SLC1A1: variants seen among roughly 807,000 people sequenced by gnomAD.
SLC1A1 encodes the protein solute carrier family 1 member 1, also known as excitatory amino acid transporter 3.
Under a neutral mutation model 53.3 loss-of-function variants are expected in SLC1A1, and 43 were observed. The ratio of observed to expected loss-of-function variants is 0.81; its 90% confidence interval spans 0.63 to 1.04. SLC1A1 has a LOEUF of 1.04. SLC1A1 is among the 50% of genes least tolerant of loss of function. SLC1A1 has a pLI of 0.00. For synonymous variants in SLC1A1, 307 were observed against 243.2 expected (o/e 1.26, Z -2.44); for missense variants, 748 against 664.9 (o/e 1.12, Z -1.37).
At chr9:4,497,717 C>T (rs1412213827) in intron 1 of SLC1A1, among the ~76,000 whole-genome samples, 1 of 152,152 alleles carries the variant, frequency 6.6e-6, no homozygotes, top group African/African-American at 2.4e-5. Flanking sequence ...AACTAGATTA[C>T]AGACCCCTTG....
chr9:4,496,092 G>A (rs1368367070), intron 1 of SLC1A1, among the ~76,000 whole-genome samples: 3 of 152,122 alleles, frequency 2.0e-5, no homozygotes, highest in African/African-American at 7.2e-5. Flanking sequence ...ACCTATCCTG[G>A]GAGAAAAGGG....
At chr9:4,521,393 G>A (rs560886185) in intron 1 of SLC1A1, among the ~76,000 whole-genome samples, 14 of 152,276 alleles carry the variant, frequency 9.2e-5, no homozygotes, top group African/African-American at 3.4e-4. Context: ...GGGTTTTACT[G>A]TTGAGGCCCT....
intron 1 of SLC1A1, among the ~76,000 whole-genome samples, chr9:4,503,060 T>A (rs1340903543): frequency 6.6e-6 from 1 of 151,858 alleles, no homozygotes; most frequent in African/African-American, 2.4e-5. Flanking sequence ...ACCACTTTTA[T>A]GTTGTAGACT....
chr9:4,556,508 AG>A lies in SLC1A1; in HGVS notation c.233-4936del, dbSNP rs1818403009. Reference sequence around the variant, plus strand: ...AGTTCTGATAGTGAACTGTAAAGAGAGGGGGTCCTTCAGACCTCGCCAGCCA... The same window carrying A: ...AGTTCTGATAGTGAACTGTAAAGAGAGGGGTCCTTCAGACCTCGCCAGCCA... On this transcript the variant is annotated intron_variant, in intron 2 of 11. Coordinates refer to ENST00000262352, the MANE Select transcript of SLC1A1 (RefSeq NM_004170.6). This position sits in a 1 kb window ranked among gnomAD's most constrained non-coding sequence, Gnocchi z 4.1. Among the ~76,000 whole-genome samples the A allele has an allele frequency of 6.6e-6, 1 of 152,202 alleles. No homozygotes were observed. Among genetic ancestry groups the A allele is most frequent in the Non-Finnish European group, 1.5e-5 (1 of 68,032 alleles).
intron 2 of SLC1A1, among the ~76,000 whole-genome samples, chr9:4,544,923 G>C (rs549382782): frequency 5.9e-5 from 9 of 152,166 alleles, no homozygotes; most frequent in Non-Finnish European, 1.2e-4. Flanking sequence ...AAGGCTGGGC[G>C]AAGCAGGAAG....
chr9:4,541,408 G>C (rs985452767), intron 1 of SLC1A1, among the ~76,000 whole-genome samples: 3 of 152,118 alleles, frequency 2.0e-5, no homozygotes, highest in Admixed American at 1.3e-4. Flanking sequence ...TAGTTCGTTT[G>C]TTTTCTTTTC....
At chr9:4,525,778 G>C (rs1027042433) in intron 1 of SLC1A1, among the ~76,000 whole-genome samples, 7 of 152,034 alleles carry the variant, frequency 4.6e-5, no homozygotes, top group Admixed American at 4.6e-4. Flanking sequence ...AGAAAAATCA[G>C]TCAATGCATC....
intron 1 of SLC1A1, among the ~76,000 whole-genome samples, chr9:4,522,045 T>C (rs113043865): frequency 0.022 from 1,866 of 83,832 alleles, 45 homozygotes; most frequent in African/African-American, 0.072. Flanking sequence ...CCTGCCTCTT[T>C]TTTTTTTTCT....
At chr9:4,516,301 C>T (rs1821159287) in intron 1 of SLC1A1, among the ~76,000 whole-genome samples, 1 of 152,164 alleles carries the variant, frequency 6.6e-6, no homozygotes, top group African/African-American at 2.4e-5. Flanking sequence ...GCAGATTGCA[C>T]TCCAGTGTGG....
chr9:4,559,290 T>G (rs1217371104), intron 2 of SLC1A1, among the ~76,000 whole-genome samples: 1 of 152,186 alleles, frequency 6.6e-6, no homozygotes. Context: ...GCCCATTATA[T>G]GGCAATTGCA....
intron 3 of SLC1A1, among the ~76,000 whole-genome samples, chr9:4,563,680 C>G (rs1240638731): frequency 2.0e-5 from 3 of 152,188 alleles, no homozygotes; most frequent in Non-Finnish European, 4.4e-5. Context: ...CTTGGATACT[C>G]AAGTGACAGG....
intron 2 of SLC1A1, among the ~76,000 whole-genome samples, chr9:4,545,161 T>C (rs1049577355): frequency 6.9e-6 from 1 of 144,550 alleles, no homozygotes; most frequent in African/African-American, 2.6e-5. Flanking sequence ...TCTTTTCTAA[T>C]TACGGGAAAA....
chr9:4,503,614 T>C (rs914490976), intron 1 of SLC1A1, among the ~76,000 whole-genome samples: 1 of 151,808 alleles, frequency 6.6e-6, no homozygotes, highest in Non-Finnish European at 1.5e-5. Flanking sequence ...AGCAAGTCTG[T>C]ATAAAGGTGA....
intron 1 of SLC1A1, among the ~76,000 whole-genome samples, chr9:4,520,101 CACA>C (rs1390481995): frequency 6.6e-6 from 1 of 152,198 alleles, no homozygotes; most frequent in Non-Finnish European, 1.5e-5. Context: ...AATCTGTAAT[CACA>C]ACTTTTCTTT....
At chr9:4,504,813 C>T (rs1305363347) in intron 1 of SLC1A1, among the ~76,000 whole-genome samples, 3 of 151,998 alleles carry the variant, frequency 2.0e-5, no homozygotes, top group African/African-American at 7.3e-5. Context: ...TTTAATATAC[C>T]TTTCACTGTG....
At chr9:4,531,191 G>C (rs371208539) in intron 1 of SLC1A1, among the ~76,000 whole-genome samples, 2 of 152,238 alleles carry the variant, frequency 1.3e-5, no homozygotes, top group African/African-American at 2.4e-5. Context: ...TCTCACTGGG[G>C]AGTGTCGGAA....
chr9:4,534,465 A>G (rs1816597976), intron 1 of SLC1A1, among the ~76,000 whole-genome samples: 1 of 152,238 alleles, frequency 6.6e-6, no homozygotes, highest in Admixed American at 6.5e-5. Context: ...AATCTAGAAG[A>G]AATGGATAAA....
intron 6 of SLC1A1, among the ~76,000 whole-genome samples, chr9:4,569,288 C>A (rs1220858644): frequency 6.6e-6 from 1 of 152,186 alleles, no homozygotes; most frequent in East Asian, 1.9e-4. Flanking sequence ...GCATATTATG[C>A]AACCTTTATA....
Position 4,564,450 on chromosome 9 carries a change from T to G in SLC1A1, c.432T>G (p.Asp144Glu), listed in dbSNP as rs777757441. ...PEVSTVDAML[D>E]LIRNMFPENL... is the part of the protein sequence containing the mutation. ...TCAGTACGGTGGATGCCATGTTAGA[T>G]CTCATCAGGTGAGTGTTTTGCCACA... The change falls in exon 4 of 12, where the codon GAT becomes GAG. Residue 144 changes from aspartate to glutamate, a missense_variant. Asp to Glu is a conservative substitution (Grantham distance 45). Transcript: ENST00000262352. The G allele has an allele frequency of 1.5e-5, 24 of 1,605,872 alleles. 1 individual carries two copies. The highest frequency in any genetic ancestry group is 1.4e-5 in the Non-Finnish European group (17 of 1,173,356).
Sources: allele counts gnomAD v4.1 joint callset (sites outside exome capture counted in the v4.1 genomes callset), GRCh38; gene constraint gnomAD v4.1.1; non-coding constraint Gnocchi (gnomAD v3.1); transcripts MANE v1.5; gene names NCBI Gene and HGNC (gene_info 2026-07-23, HGNC 2026-07-21).